The following TTC7A variants were observed in gnomAD, a reference collection of about 807,000 sequenced individuals.
TTC7A encodes tetratricopeptide repeat domain 7A, also known as tetratricopeptide repeat protein 7A.
In TTC7A, 110 loss-of-function variants were observed where a neutral mutation model predicts 103.7. The ratio of observed to expected loss-of-function variants is 1.06; its 90% confidence interval spans 0.91 to 1.24. TTC7A has a LOEUF of 1.24. Among genes scored for constraint, TTC7A ranks in the 50% most tolerant of loss-of-function variants. The probability of loss-of-function intolerance (pLI) is 0.00; values close to 1 mark genes in which losing one functional copy is unlikely to be tolerated. For synonymous variants in TTC7A, 521 were observed against 467.9 expected, an observed-to-expected ratio of 1.11 and a Z score of -1.47; for missense variants, 1,340 against 1,116.3, an observed-to-expected ratio of 1.20 and a Z score of -2.86.
intron 18 of TTC7A, among the ~76,000 whole-genome samples, chr2:47,052,606 G>T (rs1573038988): frequency 6.6e-6 from 1 of 152,208 alleles, no homozygotes; most frequent in Non-Finnish European, 1.5e-5. Context: ...TCGCTGCCAA[G>T]AGTTTTGAAA....
chr2:47,008,774 C>G (rs1677701410), intron 10 of TTC7A, among the ~76,000 whole-genome samples: 3 of 152,088 alleles, frequency 2.0e-5, no homozygotes, highest in Admixed American at 2.0e-4. Flanking sequence ...AAAGGCCTTC[C>G]AGAAGGTGAG....
chr2:46,948,998 A>G (rs951832792), intron 1 of TTC7A, among the ~76,000 whole-genome samples: 2 of 152,158 alleles, frequency 1.3e-5, no homozygotes, highest in Non-Finnish European at 2.9e-5. Context: ...CTCAACAGGT[A>G]TTTACTCAGT....
At chr2:46,944,380 T>TTG (rs1430980812) in intron 1 of TTC7A, among the ~76,000 whole-genome samples, 3 of 145,750 alleles carry the variant, frequency 2.1e-5, no homozygotes, top group East Asian at 4.0e-4. Context: ...TTGGGTTTTT[T>TTG]TTTTTTTTTT....
intron 18 of TTC7A, among the ~76,000 whole-genome samples, chr2:47,056,371 C>T (rs1683314772): frequency 6.6e-6 from 1 of 152,226 alleles, no homozygotes; most frequent in Non-Finnish European, 1.5e-5. Context: ...CTGTGGCTCA[C>T]CTCTCTGAAG....
chr2:46,919,154 C>T (rs1173104536), intron 2 of TTC7A, among the ~76,000 whole-genome samples: 2 of 152,256 alleles, frequency 1.3e-5, no homozygotes, highest in Non-Finnish European at 2.9e-5. Flanking sequence ...TTTCAATTTA[C>T]ACCTTTTAGT....
intron 2 of TTC7A, among the ~76,000 whole-genome samples, chr2:46,920,837 A>C (rs72886655): frequency 0.027 from 4,179 of 152,196 alleles, 109 homozygotes; most frequent in African/African-American, 0.067. Context: ...CTCTCACATT[A>C]AAATGAAAAT....
rs184700302 is a variant in TTC7A at position 46,945,726 on chromosome 2, C to G, written c.184+4001C>G. Among the ~76,000 whole-genome samples, 258 of 145,340 alleles carry G rather than the reference C, an allele frequency of 1.8e-3. 2 individuals are homozygous for G. The highest frequency in any genetic ancestry group is 6.8e-3 in the African/African-American group (253 of 36,948). The stretch of plus-strand genomic sequence containing the variant: ...TCTTAATCTGTAGTCACCCTCCCCG[C>G]CGCCCCACTTTTTTTTTCTTCTTCT... On this transcript the variant is annotated intron_variant, in intron 1 of 19. Transcript: ENST00000319190.
rs1045311898 is a variant in TTC7A, at chr2:46,962,012, C to A, written c.517+5005C>A. ...TTGGCAGAACCCTCTGCATTTGACTCCATGTGCTCATGGCTGTGAGCCCTG... is the reference window on the plus strand; with the variant it reads ...TTGGCAGAACCCTCTGCATTTGACTACATGTGCTCATGGCTGTGAGCCCTG... On this transcript the variant is annotated intron_variant, in intron 3 of 19. Coordinates refer to ENST00000319190, the MANE Select transcript of TTC7A (RefSeq NM_020458.4). Among the ~76,000 whole-genome samples, 3 of 152,344 alleles carry A rather than the reference C, an allele frequency of 2.0e-5. No individual in the cohort carries two copies. In the East Asian group the frequency reaches 5.8e-4, roughly 29 times the overall value.
intron 5 of TTC7A, among the ~76,000 whole-genome samples, chr2:46,992,487 T>C (rs1229106177): frequency 6.6e-6 from 1 of 152,124 alleles, no homozygotes; most frequent in Non-Finnish European, 1.5e-5. Flanking sequence ...AGACTTGATA[T>C]AGGGGACTGC....
intron 19 of TTC7A, among the ~76,000 whole-genome samples, chr2:47,065,036 C>T (rs1684072427): frequency 6.6e-6 from 1 of 152,146 alleles, no homozygotes; most frequent in Non-Finnish European, 1.5e-5. Context: ...GCCTGTAATC[C>T]CAGCAGTTTG....
rs753851181 is a variant in TTC7A, at chr2:47,021,978, C to T, written c.1509C>T (p.Asp503=). ...TCACCTATAGCCTGCAGGCCACCGA[C>T]GGTGAGTGCCAGGCCCCAGGAGGCC... ...LGLTYSLQAT[D]ATLKSKQDEL... Residue 503 remains aspartate (D), a splice_region_variant and synonymous_variant, in exon 12 of 20, where the codon GAC becomes GAT. Coordinates refer to ENST00000319190, the MANE Select transcript of TTC7A (RefSeq NM_020458.4). The T allele has an allele frequency of 5.2e-5, 83 of 1,607,262 alleles. No homozygotes were observed. The Admixed American group carries it at 6.2e-4, about 12-fold the overall frequency.
At chr2:47,011,197 C>A in intron 10 of TTC7A, 134 bp from the exon 11 acceptor site, 1 of 744,208 alleles carries the variant, frequency 1.3e-6, no homozygotes, top group Non-Finnish European at 2.1e-6. Context: ...GCTTCTCTGC[C>A]CTGGACCTCT....
At chr2:47,029,729 T>A (rs1680313765) in intron 15 of TTC7A, among the ~76,000 whole-genome samples, 1 of 152,204 alleles carries the variant, frequency 6.6e-6, no homozygotes, top group African/African-American at 2.4e-5. Context: ...TGACAGTAAC[T>A]TGTGTAAGTT....
chr2:47,021,860 A>C lies in TTC7A; in HGVS notation c.1393-2A>C, dbSNP rs1485077160. On this transcript the variant is annotated splice_acceptor_variant, in intron 11 of 19. Transcript: ENST00000319190. LOFTEE classifies it high-confidence loss of function. Reference sequence around the variant, plus strand: ...CATGACCTCTGTCTCTCCTCTTTGCAGCTAGAGGAAGCAGAGCACTTTGCC... The same window carrying C: ...CATGACCTCTGTCTCTCCTCTTTGCCGCTAGAGGAAGCAGAGCACTTTGCC... The C allele has an allele frequency of 6.2e-7, 1 of 1,612,286 alleles. No homozygotes were observed. Among genetic ancestry groups the C allele is most frequent in the Non-Finnish European group, 8.5e-7 (1 of 1,178,292 alleles).
rs574898082 is a variant in TTC7A, at chr2:46,950,534, G to T, written c.348+8G>T. 3.1e-6 allele frequency: 5 copies of T among 1,613,532 alleles called. No individual in the cohort carries two copies. In the African/African-American group the frequency reaches 5.3e-5, roughly 17 times the overall value. On this transcript the variant is annotated splice_region_variant and intron_variant, in intron 2 of 19. Transcript: ENST00000319190. ...AACCATGGGAGGCTCTCGGTAAGTC[G>T]TCAGCCTTCAAGCCTGAGACCTCCT... is the stretch of plus-strand genomic sequence containing the variant.
At chr2:46,916,142 A>C (rs551472426), upstream of TTC7A, 27 of 985,470 alleles carry the variant, frequency 2.7e-5, no homozygotes, top group South Asian at 4.7e-5. Flanking sequence ...GCTGGCTCCC[A>C]ACTCCGCTCA....
chr2:47,050,423 C>T (rs1271190997), intron 17 of TTC7A: 1 of 185,802 alleles, frequency 5.4e-6, no homozygotes, highest in South Asian at 1.5e-4. Flanking sequence ...CTTTACAATT[C>T]TAAGCTGAAA....
chr2:47,027,350 C>T (rs904809898), intron 14 of TTC7A, among the ~76,000 whole-genome samples: 5 of 152,248 alleles, frequency 3.3e-5, no homozygotes, highest in African/African-American at 9.7e-5. Flanking sequence ...GCCTGTCACT[C>T]ACCAAACACA....
rs1188895398 is a variant in TTC7A at position 47,007,137 on chromosome 2, A to T, written c.1287+413A>T. On this transcript the variant is annotated intron_variant, in intron 10 of 19. Coordinates refer to ENST00000319190, the MANE Select transcript of TTC7A (RefSeq NM_020458.4). This position sits in a 1 kb window ranked among gnomAD's most constrained non-coding sequence, Gnocchi z 4.9. ...GAAATGGCCTGCTTGTGGACTGGAG[A>T]CTTGCCTCGGAGGGGAAGCTTAAAG... Among the ~76,000 whole-genome samples the T allele has an allele frequency of 6.6e-6, 1 of 152,060 alleles. No individual in the cohort carries two copies. Among genetic ancestry groups the T allele is most frequent in the Non-Finnish European group, 1.5e-5 (1 of 68,008 alleles).
Sources: gnomAD v4.1 joint callset for allele counts (sites outside exome capture counted in the v4.1 genomes callset) on GRCh38, gnomAD v4.1.1 for gene constraint, Gnocchi (gnomAD v3.1) non-coding constraint, MANE v1.5 for transcripts, NCBI Gene and HGNC (gene_info 2026-07-23, HGNC 2026-07-21) for gene names.